Variants in VWF observed in about 807,000 individuals in gnomAD.
VWF encodes von Willebrand factor, also known as Factor VIII related antigen.
A neutral mutation model predicts 308.6 loss-of-function variants in VWF; 176 were observed. The ratio of observed to expected loss-of-function variants is 0.57; its 90% confidence interval spans 0.50 to 0.65. The LOEUF (loss-of-function observed/expected upper bound fraction) is 0.65. VWF is among the 30% of genes least tolerant of loss of function. VWF has a pLI of 0.00. For synonymous variants in VWF, 1,385 were observed against 1,443.4 expected (o/e 0.96, Z 0.92); for missense variants, 3,146 against 3,648.2 (o/e 0.86, Z 3.55).
intron 34 of VWF, among the ~76,000 whole-genome samples, chr12:6,006,191 A>AC (rs1943924669): frequency 6.6e-6 from 1 of 152,236 alleles, no homozygotes; most frequent in African/African-American, 2.4e-5. Context: ...ATAGACTGTT[A>AC]TAAGTATAGG....
chr12:6,105,588 CA>C (rs1945233785), intron 5 of VWF, among the ~76,000 whole-genome samples: 2 of 152,028 alleles, frequency 1.3e-5, no homozygotes, highest in Admixed American at 1.3e-4. Flanking sequence ...GAAGAAATTG[CA>C]TATCAAATTT....
chr12:5,998,603 G>C (rs1315428560), intron 34 of VWF, among the ~76,000 whole-genome samples: 1 of 145,672 alleles, frequency 6.9e-6, no homozygotes, highest in African/African-American at 2.6e-5. Flanking sequence ...TAAATATGTA[G>C]GGAGATATAT....
chr12:6,026,094 C>G (rs376407569), intron 22 of VWF, 48 bp from the exon 23 acceptor site: 1 of 1,613,116 alleles, frequency 6.2e-7, no homozygotes, highest in African/African-American at 1.3e-5. Flanking sequence ...CAGGAGCATG[C>G]TCTCCGGCTC....
At chr12:6,059,867 A>T (rs1944634587) in intron 13 of VWF, among the ~76,000 whole-genome samples, 1 of 152,236 alleles carries the variant, frequency 6.6e-6, no homozygotes, top group East Asian at 1.9e-4. Context: ...GATGTGCTGG[A>T]ATGCAATGCC....
chr12:6,088,801 A>C (rs1437226713), intron 6 of VWF, among the ~76,000 whole-genome samples: 2 of 152,246 alleles, frequency 1.3e-5, no homozygotes, highest in Non-Finnish European at 2.9e-5. Context: ...TCTTGCCTTC[A>C]GTTTGAAAAG....
intron 16 of VWF, among the ~76,000 whole-genome samples, chr12:6,051,286 C>T (rs755974113): frequency 2.2e-4 from 26 of 117,528 alleles, no homozygotes; most frequent in Non-Finnish European, 2.6e-4. Context: ...TTCTTTTTTT[C>T]TTTTTTTTTT....
In VWF at chr12:6,019,876, C is replaced by T; in HGVS notation, c.3675-133G>A. 9.8e-7 allele frequency: 1 copy of T among 1,022,786 alleles called. No individual in the cohort carries two copies. Among genetic ancestry groups the T allele is most frequent in the Non-Finnish European group, 1.5e-6 (1 of 681,210 alleles). The allele number at this position is 1,022,786 out of a possible 1,614,324, so 63.4% of individuals were successfully genotyped here. A position where few individuals can be genotyped will look rare whatever the true frequency, so the allele number is the denominator to read the frequency against. On this transcript the variant is annotated intron_variant, in intron 27 of 51. Coordinates refer to ENST00000261405, the MANE Select transcript of VWF (RefSeq NM_000552.5). The surrounding 1 kb of genome is among the most constrained non-coding windows in gnomAD (Gnocchi z 5.8). ...CCACCTGAACTTGAGATCCCATGGA[C>T]CATTCCACATCCAAGTGAGATGTCA...
intron 20 of VWF, among the ~76,000 whole-genome samples, chr12:6,032,224 T>G (rs1484669021): frequency 6.6e-6 from 1 of 151,808 alleles, no homozygotes; most frequent in East Asian, 1.9e-4. Flanking sequence ...ATGTTCAACT[T>G]AGAAAAACAG....
chr12:6,103,045 C>T (rs916946297), intron 5 of VWF, among the ~76,000 whole-genome samples: 1 of 151,406 alleles, frequency 6.6e-6, no homozygotes, highest in Admixed American at 6.6e-5. Context: ...ACACATAGAT[C>T]GGCCAGGCGT....
In VWF at chr12:5,991,807, C is replaced by T. The variant is rs377517550; in HGVS notation, c.6798+12G>A. On this transcript the variant is annotated intron_variant, in intron 38 of 51. Coordinates refer to ENST00000261405, the MANE Select transcript of VWF (RefSeq NM_000552.5). The stretch of plus-strand genomic sequence containing the variant: ...AGCAGCCCCATGGGAAGTGAAAGGC[C>T]CAGGCTCCTACCTGGTGCTGGACTC... 22 of 1,613,436 alleles carry T rather than the reference C, an allele frequency of 1.4e-5. No individual in the cohort carries two copies. The African/African-American group carries it at 2.4e-4, about 18-fold the overall frequency.
chr12:5,994,277 G>A, intron 36 of VWF, 74 bp from the exon 37 acceptor site: 1 of 1,595,764 alleles, frequency 6.3e-7, no homozygotes, highest in Non-Finnish European at 8.6e-7. Flanking sequence ...CCAGAGACAG[G>A]CCATTCTTGA....
At chr12:6,121,135 C>T in intron 3 of VWF, 39 bp downstream of exon 3, 2 of 1,613,736 alleles carry the variant, frequency 1.2e-6, no homozygotes, top group Admixed American at 1.7e-5. Flanking sequence ...CTCAGCCAGC[C>T]CTCCCTCTGA....
intron 37 of VWF, 99 bp from the exon 38 acceptor site, chr12:5,992,117 A>G (rs1943752231): frequency 8.4e-7 from 1 of 1,196,526 alleles, no homozygotes; most frequent in Non-Finnish European, 1.2e-6. Context: ...CAAACTTGCC[A>G]GGGCAGAGAC....
chr12:5,993,809 G>A, intron 37 of VWF, 53 bp downstream of exon 37: 2 of 1,564,212 alleles, frequency 1.3e-6, no homozygotes, highest in Non-Finnish European at 1.7e-6. Context: ...GAGAGGCTGA[G>A]CAAGCCCAGT....
chr12:5,972,979 C>T (rs977929143), intron 43 of VWF, among the ~76,000 whole-genome samples: 24 of 152,276 alleles, frequency 1.6e-4, no homozygotes, highest in Admixed American at 4.6e-4. Flanking sequence ...GATCGAGATT[C>T]GCATATTATT....
In VWF at chr12:6,046,751, A is replaced by G; in HGVS notation, c.2253T>C (p.Ala751=). The change falls in exon 17 of 52, where the codon GCT becomes GCC. Residue 751 remains alanine (A), a synonymous_variant. Coordinates refer to ENST00000261405, the MANE Select transcript of VWF (RefSeq NM_000552.5). This position sits in a 1 kb window ranked among gnomAD's most constrained non-coding sequence, Gnocchi z 5.0. ...GATGAGACAGGGGACTGCTGAGGAC[A>G]GCGTCAGGCAGCAAGCTTCCGGGGA... The part of the protein sequence containing the change: ...SGVPGSLLPD[A]VLSSPLSHRS... 1 of 1,614,168 alleles carries G rather than the reference A, an allele frequency of 6.2e-7. No homozygotes were observed. The highest frequency in any genetic ancestry group is 1.3e-5 in the African/African-American group (1 of 75,060).
In VWF at chr12:6,036,421, G is replaced by A. The variant is rs149520234; in HGVS notation, c.2513C>T (p.Pro838Leu). 2.7e-5 allele frequency: 44 copies of A among 1,614,108 alleles called. 1 individual carries two copies. In the African/African-American group the frequency reaches 5.3e-4, roughly 20 times the overall value. ...PCFHQGKEYA[P>L]GETVKIGCNT... Reference sequence around the variant, plus strand: ...GCAGCCAATCTTCACTGTTTCTCCAGGGGCATACTCCTTGCCCTGATGGAA... The same window carrying A: ...GCAGCCAATCTTCACTGTTTCTCCAAGGGCATACTCCTTGCCCTGATGGAA... The change falls in exon 19 of 52, where the codon CCT becomes CTT. Residue 838 changes from proline (P) to leucine (L), a missense_variant. Pro to Leu is a moderately conservative substitution (Grantham distance 98). Transcript: ENST00000261405.
chr12:6,002,681 AAAAG>A (rs963280877), intron 34 of VWF, among the ~76,000 whole-genome samples: 33 of 152,244 alleles, frequency 2.2e-4, no homozygotes, highest in African/African-American at 7.2e-4. Flanking sequence ...TCCACCAAAA[AAAAG>A]AAACAAAAAA....
intron 41 of VWF, among the ~76,000 whole-genome samples, chr12:5,982,583 A>C (rs1254613254): frequency 1.3e-5 from 2 of 152,048 alleles, no homozygotes; most frequent in African/African-American, 4.8e-5. Flanking sequence ...TTGAAGTCTC[A>C]CATCTAGGAA....
Sources: gnomAD v4.1 joint callset for allele counts (sites outside exome capture counted in the v4.1 genomes callset) on GRCh38, gnomAD v4.1.1 for gene constraint, Gnocchi (gnomAD v3.1) non-coding constraint, MANE v1.5 for transcripts, NCBI Gene and HGNC (gene_info 2026-07-23, HGNC 2026-07-21) for gene names.